ACAN: variants seen among roughly 807,000 people sequenced by gnomAD.
ACAN encodes aggrecan core protein.
ACAN carries 47 observed loss-of-function variants against 169.1 expected under a neutral mutation model. That is an observed-to-expected ratio of 0.28 (90% CI 0.22 to 0.35). The LOEUF (loss-of-function observed/expected upper bound fraction) is 0.35. Among genes scored for constraint, ACAN ranks in the 10% least tolerant of loss-of-function variants. The pLI is 1.00. For missense variants in ACAN, 2,716 were observed against 2,759.9 expected (o/e 0.98, Z 0.36); for synonymous variants, 1,115 against 1,112.2 (o/e 1.00, Z -0.05).
chr15:88,805,974 CAA>C (rs1199166939), intron 1 of ACAN, among the ~76,000 whole-genome samples: 5 of 152,182 alleles, frequency 3.3e-5, no homozygotes, highest in South Asian at 2.1e-4. Context: ...GAGGGAGCTC[CAA>C]GAGAGAGCTC....
At position 88,858,075 on chromosome 15, in the gene ACAN, A is replaced by G. The variant is rs1407479546; in HGVS notation, c.5490A>G (p.Thr1830=). The change falls in exon 12 of 19, where the codon ACA becomes ACG. Residue 1830 remains threonine, a synonymous_variant. Coordinates refer to ENST00000560601, the MANE Select transcript of ACAN (RefSeq NM_001369268.1). This position sits in a 1 kb window ranked among gnomAD's most constrained non-coding sequence, Gnocchi z 4.0. The part of the protein sequence containing the change: ...TSGSGESSGI[T]FVDTSLVEVA... ...GCAGCGGTGAATCTTCTGGGATTAC[A>G]TTTGTGGACACCAGTTTGGTTGAAG... 1 of 1,613,918 alleles carries G rather than the reference A, an allele frequency of 6.2e-7. No individual in the cohort carries two copies. Among genetic ancestry groups the G allele is most frequent in the South Asian group, 1.1e-5 (1 of 91,084 alleles).
intron 2 of ACAN, among the ~76,000 whole-genome samples, chr15:88,837,960 A>G (rs1041767594): frequency 1.6e-5 from 2 of 127,128 alleles, no homozygotes; most frequent in Non-Finnish European, 3.2e-5. Flanking sequence ...TTTTGTTTCT[A>G]ACAAGATTTG....
At chr15:88,863,335 C>T (rs935049939) in intron 13 of ACAN, among the ~76,000 whole-genome samples, 3 of 152,192 alleles carry the variant, frequency 2.0e-5, no homozygotes, top group Admixed American at 6.5e-5. Context: ...GCTTCAGACT[C>T]TAAGGTTTCT....
At chr15:88,847,464 G>C in intron 8 of ACAN, 47 bp downstream of exon 8, 3 of 1,489,988 alleles carry the variant, frequency 2.0e-6, no homozygotes, top group Non-Finnish European at 2.7e-6. Context: ...GAAGAGGTCA[G>C]GCTTAAGGAG....
rs1897352384 is a variant in ACAN at position 88,870,362 on chromosome 15, G to C, written c.7061-1020G>C. 6.6e-6 allele frequency among the ~76,000 whole-genome samples: 1 copy of C among 152,172 alleles called. No individual in the cohort carries two copies. Among genetic ancestry groups the C allele is most frequent in the South Asian group, 2.1e-4 (1 of 4,834 alleles). On this transcript the variant is annotated intron_variant, in intron 14 of 18. Transcript: ENST00000560601. The surrounding 1 kb of genome is among the most constrained non-coding windows in gnomAD (Gnocchi z 6.3). ...GACCCTCCACCTGGGAGATCCCAGG[G>C]GAAGAAGGAAGAAGGGGGGCCTTGG...
intron 2 of ACAN, among the ~76,000 whole-genome samples, chr15:88,837,653 C>A (rs1896537622): frequency 6.6e-6 from 1 of 152,146 alleles, no homozygotes; most frequent in South Asian, 2.1e-4. Flanking sequence ...AAAACCAAGC[C>A]ATGTCCAGGG....
chr15:88,819,195 G>A (rs966044038), intron 1 of ACAN, among the ~76,000 whole-genome samples: 28 of 152,268 alleles, frequency 1.8e-4, no homozygotes, highest in African/African-American at 6.5e-4. Flanking sequence ...AGAGACAGCT[G>A]GAAAGGAAGG....
intron 7 of ACAN, among the ~76,000 whole-genome samples, chr15:88,846,197 G>T (rs1896788881): frequency 6.6e-6 from 1 of 152,110 alleles, no homozygotes; most frequent in Non-Finnish European, 1.5e-5. Flanking sequence ...CTTCTGTCCA[G>T]GGCCCCTCCT....
At chr15:88,812,902 C>A (rs897537688) in intron 1 of ACAN, among the ~76,000 whole-genome samples, 1 of 152,132 alleles carries the variant, frequency 6.6e-6, no homozygotes, top group Non-Finnish European at 1.5e-5. Flanking sequence ...AGACAGGGAC[C>A]TTTTCTCCCT....
intron 1 of ACAN, among the ~76,000 whole-genome samples, chr15:88,821,660 G>A (rs1326682507): frequency 6.6e-6 from 1 of 152,168 alleles, no homozygotes; most frequent in East Asian, 1.9e-4. Flanking sequence ...GGTCCAGAAA[G>A]AAGGCTGTCC....
rs1247591202 is a variant in ACAN at position 88,856,981 on chromosome 15, G to A, written c.4396G>A (p.Asp1466Asn). 6.2e-7 allele frequency: 1 copy of A among 1,613,650 alleles called. No individual in the cohort carries two copies. The highest frequency in any genetic ancestry group is 8.5e-7 in the Non-Finnish European group (1 of 1,179,758). ...AGAGACTTCTACCTCTGCGGTAGGG[G>A]ACCTCAGTGGACTTCCTTCTGGAGG... The part of the protein sequence containing the change: ...VLETSTSAVG[D>N]LSGLPSGGEV... The change falls in exon 12 of 19, where the codon GAC (aspartate) becomes AAC (asparagine). Residue 1466 changes from aspartate (D) to asparagine (N), a missense_variant. This residue lies in a region of ACAN where 1,389 missense variants were observed against 1,363.7 expected (regional missense o/e 1.02). Coordinates refer to ENST00000560601, the MANE Select transcript of ACAN (RefSeq NM_001369268.1).
At chr15:88,830,023 G>T (rs1896320300) in intron 1 of ACAN, among the ~76,000 whole-genome samples, 1 of 150,580 alleles carries the variant, frequency 6.6e-6, no homozygotes, top group East Asian at 2.0e-4. Context: ...GCCTGGTGAG[G>T]TTTCAGGGAG....
intron 1 of ACAN, among the ~76,000 whole-genome samples, chr15:88,810,054 GGGTCA>G (rs1895780826): frequency 1.3e-5 from 2 of 152,176 alleles, no homozygotes; most frequent in Non-Finnish European, 2.9e-5. Flanking sequence ...AGGGATTCAT[GGGTCA>G]CCACAGCGTC....
At chr15:88,836,344 C>G in intron 2 of ACAN, 68 bp downstream of exon 2, 1 of 1,353,610 alleles carries the variant, frequency 7.4e-7, no homozygotes, top group East Asian at 2.3e-5. Context: ...GTACTGGGTA[C>G]TGAACCTGGT....
In ACAN at chr15:88,860,072, CTT is replaced by C. The variant is rs57985365; in HGVS notation, c.6833-234_6833-233del. 4.8e-4 allele frequency among the ~76,000 whole-genome samples: 49 copies of C among 102,872 alleles called. 1 individual carries two copies. The highest frequency in any genetic ancestry group is 7.6e-4 in the African/African-American group (16 of 21,164). The allele number at this position is 102,872 out of a possible 152,430, so 67.5% of individuals were successfully genotyped here. A position where few individuals can be genotyped will look rare whatever the true frequency, so the allele number is the denominator to read the frequency against. On this transcript the variant is annotated intron_variant, in intron 12 of 18. Transcript: ENST00000560601. ...GCACTGGTAGCGGTAGCTGATTTTCCTTTTTTTTTTTTTTTTTTTTTGCTCTG... is the reference window on the plus strand; with the variant it reads ...GCACTGGTAGCGGTAGCTGATTTTCCTTTTTTTTTTTTTTTTTTTGCTCTG...
rs149280801 is a variant in ACAN, at chr15:88,825,107, C to T, written c.-7-11093C>T. Among the ~76,000 whole-genome samples, 895 of 152,130 alleles carry T rather than the reference C, an allele frequency of 5.9e-3. 7 individuals are homozygous for T. The highest frequency in any genetic ancestry group is 7.7e-3 in the Non-Finnish European group (523 of 67,978). ...TGGTCAAGGCACAGCTAGAATGTGGCGGGGTTGAGGGTTTGGGGAATAGTG... is the reference window on the plus strand; with the variant it reads ...TGGTCAAGGCACAGCTAGAATGTGGTGGGGTTGAGGGTTTGGGGAATAGTG... On this transcript the variant is annotated intron_variant, in intron 1 of 18. Coordinates refer to ENST00000560601, the MANE Select transcript of ACAN (RefSeq NM_001369268.1).
rs1316592301 is a variant in ACAN at position 88,851,600 on chromosome 15, G to A, written c.2027-194G>A. ...TGCCCCAGATCACTGGAACTAAAGTGCTGATGGTGCATATGGATATTATAT... is the reference window on the plus strand; with the variant it reads ...TGCCCCAGATCACTGGAACTAAAGTACTGATGGTGCATATGGATATTATAT... On this transcript the variant is annotated intron_variant, in intron 10 of 18. Transcript: ENST00000560601. The surrounding 1 kb of genome is among the most constrained non-coding windows in gnomAD (Gnocchi z 4.3). 6.8e-6 allele frequency: 4 copies of A among 590,356 alleles called. No homozygotes were observed. Among genetic ancestry groups the A allele is most frequent in the Non-Finnish European group, 1.2e-5 (4 of 346,936 alleles). The allele number at this position is 590,356 out of a possible 1,614,324, so 36.6% of individuals were successfully genotyped here.
intron 1 of ACAN, among the ~76,000 whole-genome samples, chr15:88,805,518 G>A (rs1039206446): frequency 9.2e-5 from 14 of 152,298 alleles, no homozygotes; most frequent in South Asian, 2.1e-4. Flanking sequence ...ATATTCTTAC[G>A]TGTAGTTTCT....
chr15:88,847,317 C>A lies in ACAN; in HGVS notation c.1504C>A (p.Arg502Ser), dbSNP rs149841431. ...TFEEAQQACL[R>S]TGAVIASPEQ... ...TGAGGAGGCACAGCAGGCCTGCCTGCGCACGGGGGCGGTCATTGCCTCGCC... is the reference window on the plus strand; with the variant it reads ...TGAGGAGGCACAGCAGGCCTGCCTGAGCACGGGGGCGGTCATTGCCTCGCC... Residue 502 changes from arginine (R) to serine (S), a missense_variant, in exon 8 of 19, where the codon CGC becomes AGC. This residue lies in a region of ACAN where 1,283 missense variants were observed against 1,281.5 expected (regional missense o/e 1.00). Transcript: ENST00000560601. 1 of 1,576,528 alleles carries A rather than the reference C, an allele frequency of 6.3e-7. No homozygotes were observed. Among genetic ancestry groups the A allele is most frequent in the East Asian group, 2.3e-5 (1 of 42,788 alleles).
Sources: allele counts gnomAD v4.1 joint callset (sites outside exome capture counted in the v4.1 genomes callset), GRCh38; gene constraint gnomAD v4.1.1; regional missense constraint gnomAD v4.1.1; non-coding constraint Gnocchi (gnomAD v3.1); transcripts MANE v1.5; gene names NCBI Gene and HGNC (gene_info 2026-07-23, HGNC 2026-07-21).